The following KDM5C variants were observed in gnomAD, a reference collection of about 807,000 sequenced individuals.
KDM5C encodes the protein lysine demethylase 5C.
In KDM5C, 16 loss-of-function variants were observed where a neutral mutation model predicts 110.6. The ratio of observed to expected loss-of-function variants is 0.14; its 90% CI spans 0.10 to 0.22. KDM5C has a LOEUF of 0.22. Among genes scored for constraint, KDM5C ranks in the 10% least tolerant of loss-of-function variants. The pLI is 1.00. For missense variants in KDM5C, 681 were observed against 1,300.9 expected (o/e 0.52, Z 7.33); for synonymous variants, 511 against 520.4 (o/e 0.98, Z 0.24).
At chrX:53,218,129 AG>A in intron 3 of KDM5C, 146 bp downstream of exon 3, 1 of 875,965 alleles carries the variant, frequency 1.1e-6, no homozygotes, top group Non-Finnish European at 1.6e-6. Context: ...AAAGATTCCA[AG>A]ATGTTCTGAT....
chrX:53,218,504 A>C (rs1291636067), intron 2 of KDM5C, 106 bp from the exon 3 acceptor site: 36 of 925,006 alleles, frequency 3.9e-5, no homozygotes, highest in Non-Finnish European at 5.3e-5. Flanking sequence ...CCACACTTTC[A>C]CTACCCAGGG....
chrX:53,210,262 C>T (rs1476853832), intron 12 of KDM5C, 152 bp downstream of exon 12: 1 of 684,836 alleles, frequency 1.5e-6, no homozygotes, highest in African/African-American at 2.2e-5. Context: ...TTTTGGGTCT[C>T]TACTAGACTA....
At position 53,194,417 on chromosome X, in the gene KDM5C, G is replaced by A. The variant is rs1556834165; in HGVS notation, c.3760C>T (p.Arg1254Cys). ...AGCAGTGCCAGGATGGTCTCCAGGC[G>A]CGGGCGCCTTGAGCGCATACACAGT... Reference protein sequence around the residue: ...CPLCMRSRRPRLETILALLVA... With the variant: ...CPLCMRSRRPCLETILALLVA... Residue 1254 changes from arginine (R) to cysteine (C), a missense_variant, in exon 23 of 26, where the codon CGC (arginine) becomes TGC (cysteine). By Grantham distance (180) the Arg-to-Cys change is radical. This residue lies in a region of KDM5C where 12 missense variants were observed against 54.5 expected (regional missense o/e 0.22). Coordinates refer to ENST00000375401, the MANE Select transcript of KDM5C (RefSeq NM_004187.5). 4 of 1,211,104 alleles carry A rather than the reference G, an allele frequency of 3.3e-6. No homozygotes were observed. Among genetic ancestry groups the A allele is most frequent in the Admixed American group, 2.2e-5 (1 of 46,048 alleles).
At chrX:53,181,123 TTA>T (rs201898587) in intron 25 of KDM5C, among the ~76,000 whole-genome samples, 1 of 108,399 alleles carries the variant, frequency 9.2e-6, no homozygotes, top group Non-Finnish European at 1.9e-5. Context: ...TAGCCTATAT[TTA>T]TATATATATA....
chrX:53,179,053 G>A (rs991189020), intron 25 of KDM5C, among the ~76,000 whole-genome samples: 2 of 112,344 alleles, frequency 1.8e-5, no homozygotes, highest in Admixed American at 9.4e-5. Flanking sequence ...TGGCCAACAC[G>A]GTGAAACCTT....
intron 14 of KDM5C, among the ~76,000 whole-genome samples, chrX:53,200,001 T>C (rs782747962): frequency 8.9e-6 from 1 of 111,804 alleles, no homozygotes; most frequent in South Asian, 3.7e-4. Context: ...TTTCATTATC[T>C]AGTAAGATGG....
chrX:53,199,790 T>C lies in KDM5C; in HGVS notation c.2062-632A>G, dbSNP rs149276548. ...AAAATGAAGGAAAAGCTGGCTATAT[T>C]GGAGTAATCGAGAGACAACCCAGTG... On this transcript the variant is annotated intron_variant, in intron 14 of 25. Coordinates refer to ENST00000375401, the MANE Select transcript of KDM5C (RefSeq NM_004187.5). Among the ~76,000 whole-genome samples, 853 of 112,278 alleles carry C rather than the reference T, an allele frequency of 7.6e-3. 4 individuals carry two copies. Among genetic ancestry groups the C allele is most frequent in the South Asian group, 0.021 (58 of 2,735 alleles).
rs1416406900 is a variant in KDM5C, at chrX:53,195,155, T to C, written c.3300+76A>G. 3.4e-6 allele frequency: 4 copies of C among 1,168,061 alleles called. No homozygotes were observed. The East Asian group carries it at 9.3e-5, about 27-fold the overall frequency. ...CTCCCTGGTGCCCCTACAAAACCCA[T>C]GTTATCTCATGAGCCATCTCACAGA... On this transcript the variant is annotated intron_variant, in intron 21 of 25. Coordinates refer to ENST00000375401, the MANE Select transcript of KDM5C (RefSeq NM_004187.5).
rs2073725221 is a variant in KDM5C at position 53,215,822 on chromosome X, T to C, written c.936A>G (p.Leu312=). 1 of 1,211,798 alleles carries C rather than the reference T, an allele frequency of 8.3e-7. No homozygotes were observed. ...ACTGGGCATTGCTGTGGTTCCTCCG[T>C]AGCCTCATGGTCATCTTGGTGCAGG... ...PEPCTKMTMR[L]RRNHSNAQFI... Residue 312 remains leucine, a synonymous_variant, in exon 7 of 26, where the codon CTA becomes CTG. Coordinates refer to ENST00000375401, the MANE Select transcript of KDM5C (RefSeq NM_004187.5).
chrX:53,190,878 G>C (rs1934388814), downstream of KDM5C, among the ~76,000 whole-genome samples: 2 of 111,873 alleles, frequency 1.8e-5, no homozygotes, highest in South Asian at 7.5e-4. Context: ...GTGGCAGTGT[G>C]CTAAGCTCCT....
intron 25 of KDM5C, among the ~76,000 whole-genome samples, chrX:53,180,819 CG>C (rs1400516563): frequency 9.6e-5 from 10 of 104,442 alleles, no homozygotes; most frequent in Non-Finnish European, 2.0e-4. Context: ...CTCCACCCCC[CG>C]GGGGTTCACC....
Position 53,212,023 on chromosome X carries a change from G to C in KDM5C, c.1123-117C>G, listed in dbSNP as rs1045768006. 6.8e-6 allele frequency: 6 copies of C among 885,646 alleles called. No individual in the cohort carries two copies. In the African/African-American group the frequency reaches 1.2e-4, roughly 18 times the overall value. The allele number at this position is 885,646 out of a possible 1,213,427, so 73.0% of individuals were successfully genotyped here. ...AGAAGAGCCCTAGGTCTGCACTCAA[G>C]GCCCCTGAGGCAGGCCTTACTTTAC... On this transcript the variant is annotated intron_variant, in intron 8 of 25. Transcript: ENST00000375401.
rs1934551833 is a variant in KDM5C, at chrX:53,193,205, A to G, written c.4445T>C (p.Val1482Ala). The change falls in exon 26 of 26, where the codon GTA (valine) becomes GCA (alanine). Residue 1482 changes from valine to alanine, a missense_variant. Val to Ala is a moderately conservative substitution (Grantham distance 64). Transcript: ENST00000375401. ...PAREELEPKR[V>A]RSSGPEAEEV... ...CTCAGCCTCTGGCCCTGAGCTCCGT[A>G]CCCTCTTTGGCTCTAGCTCCTCTCG... The G allele has an allele frequency of 1.7e-6, 2 of 1,207,871 alleles. No homozygotes were observed. The highest frequency in any genetic ancestry group is 3.5e-5 in the South Asian group (2 of 56,803).
At position 53,194,523 on chromosome X, in the gene KDM5C, G is replaced by T; in HGVS notation, c.3654C>A (p.Arg1218=). ...GATTGGGCCTCGGAGAGCTGAGGAG[G>T]CGAGGCACTGACACACACCGCCCAT... ...WFHGRCVSVP[R]LLSSPRPNPT... is the part of the protein sequence containing the mutation. The change falls in exon 23 of 26, where the codon CGC becomes CGA. Residue 1218 remains arginine, a synonymous_variant. Transcript: ENST00000375401. 8.3e-7 allele frequency: 1 copy of T among 1,211,180 alleles called. No homozygotes were observed. The highest frequency in any genetic ancestry group is 1.1e-6 in the Non-Finnish European group (1 of 895,128).
intron 25 of KDM5C, among the ~76,000 whole-genome samples, chrX:53,177,003 C>T (rs1001392021): frequency 9.0e-6 from 1 of 111,510 alleles, no homozygotes; most frequent in Non-Finnish European, 1.9e-5. Flanking sequence ...AATCCCAGCA[C>T]TTTGTGAGGC....
In KDM5C at chrX:53,225,032, G is replaced by A; in HGVS notation, c.-143C>T. On this transcript the variant is annotated 5_prime_UTR_variant, in exon 1 of 26. Coordinates refer to ENST00000375401, the MANE Select transcript of KDM5C (RefSeq NM_004187.5). ...CCGCCGCCCGCCGAGGGCCTAAGGG[G>A]GCGTGTGGCCGTCGTGCTCTGAGAG... 1.4e-6 allele frequency: 1 copy of A among 696,549 alleles called. No individual in the cohort carries two copies. The highest frequency in any genetic ancestry group is 2.1e-6 in the Non-Finnish European group (1 of 486,213). 57.4% of individuals were successfully genotyped at this position (696,549 alleles called of 1,213,427 possible).
chrX:53,195,339 C>A lies in KDM5C; in HGVS notation c.3192G>T (p.Gly1064=), dbSNP rs1556835948. 2 of 1,206,700 alleles carry A rather than the reference C, an allele frequency of 1.7e-6. No homozygotes were observed. The highest frequency in any genetic ancestry group is 2.2e-6 in the Non-Finnish European group (2 of 892,593). Residue 1064 remains glycine (G), a synonymous_variant, in exon 21 of 26, where the codon GGG becomes GGT. Transcript: ENST00000375401. ...GCTCTAGCTGTCTCAGCTCCTCCAGCCCCACAGGTAGGTCCCGGCCCACAG... is the reference window on the plus strand; with the variant it reads ...GCTCTAGCTGTCTCAGCTCCTCCAGACCCACAGGTAGGTCCCGGCCCACAG... ...LVAVGRDLPV[G]LEELRQLELQ...
At chrX:53,197,910 A>T (rs1569262646) in intron 17 of KDM5C, 34 bp from the exon 18 acceptor site, 5 of 1,008,959 alleles carry the variant, frequency 5.0e-6, no homozygotes, top group South Asian at 2.0e-5. Context: ...TTCAGGTCCA[A>T]ACTCAGTGCC....
intron 12 of KDM5C, 63 bp downstream of exon 12, chrX:53,210,351 C>A (rs111477081): frequency 6.8e-6 from 8 of 1,178,532 alleles, no homozygotes; most frequent in Non-Finnish European, 9.2e-6. Context: ...CCGCCACCAC[C>A]ACCATCACAA....
Sources: gnomAD v4.1 joint callset for allele counts (sites outside exome capture counted in the v4.1 genomes callset) on GRCh38, gnomAD v4.1.1 for gene constraint, gnomAD v4.1.1 regional missense constraint, MANE v1.5 for transcripts, NCBI Gene and HGNC (gene_info 2026-07-23, HGNC 2026-07-21) for gene names.